Variants in SYNPR observed in about 807,000 individuals in gnomAD.
The protein encoded by SYNPR is synaptoporin.
A neutral mutation model predicts 32.9 loss-of-function variants in SYNPR; 23 were observed. The observed-to-expected ratio is 0.70, with a 90% confidence interval of 0.50 to 0.99. The LOEUF (loss-of-function observed/expected upper bound fraction) is 0.99, where lower values mean the gene tolerates loss of function less well. Ranked by LOEUF, SYNPR falls within the 50% of genes least tolerant of loss-of-function variation. The pLI is 0.00. For synonymous variants in SYNPR, 146 were observed against 135.9 expected (o/e 1.07, Z -0.52); for missense variants, 318 against 349.3 (o/e 0.91, Z 0.71).
At chr3:63,574,451 T>C (rs1702943626) in intron 4 of SYNPR, among the ~76,000 whole-genome samples, 1 of 152,100 alleles carries the variant, frequency 6.6e-6, no homozygotes, top group Non-Finnish European at 1.5e-5. Flanking sequence ...TGTCTAGCCA[T>C]AAGAGAATGA....
chr3:63,560,565 T>A (rs1211607232), intron 4 of SYNPR, among the ~76,000 whole-genome samples: 1 of 152,226 alleles, frequency 6.6e-6, no homozygotes, highest in African/African-American at 2.4e-5. Context: ...ACTGTATTAG[T>A]CCATTCTCAC....
intron 2 of SYNPR, among the ~76,000 whole-genome samples, chr3:63,436,932 A>T (rs1700095399): frequency 6.6e-6 from 1 of 152,098 alleles, no homozygotes; most frequent in Non-Finnish European, 1.5e-5. Context: ...GCTGAAGTGC[A>T]GTGGCACAAT....
chr3:63,281,396 T>G (rs531261575), intron 2 of SYNPR, among the ~76,000 whole-genome samples: 1 of 152,232 alleles, frequency 6.6e-6, no homozygotes, highest in Non-Finnish European at 1.5e-5. Flanking sequence ...TAAAGATATA[T>G]GTATCTTAGT....
At chr3:63,211,726 T>C in the SYNPR span, among the ~76,000 whole-genome samples, 1 of 150,578 alleles carries the variant, frequency 6.6e-6, no homozygotes, top group East Asian at 2.0e-4. Context: ...TTTTTTATTA[T>C]ACTTTAAGTT....
chr3:63,245,680 T>TGAGAGAGAGAGA (rs71992869), intron 1 of SYNPR, among the ~76,000 whole-genome samples: 72 of 123,310 alleles, frequency 5.8e-4, no homozygotes, highest in Non-Finnish European at 6.5e-4. Context: ...CTTTGTCAAG[T>TGAGAGAGAGAGA]GAGAGAGAGA....
intron 4 of SYNPR, among the ~76,000 whole-genome samples, chr3:63,558,860 A>G (rs1702636572): frequency 6.6e-6 from 1 of 151,978 alleles, no homozygotes; most frequent in Admixed American, 6.6e-5. Context: ...TCCAGAAAAA[A>G]AAAATTATAT....
chr3:63,416,780 C>G (rs1011888355), intron 2 of SYNPR, among the ~76,000 whole-genome samples: 1 of 151,992 alleles, frequency 6.6e-6, no homozygotes, highest in African/African-American at 2.4e-5. Context: ...GGAAAATTCC[C>G]CCCTGTAAAA....
chr3:63,258,092 A>G (rs938110096), intron 2 of SYNPR, among the ~76,000 whole-genome samples: 1 of 152,170 alleles, frequency 6.6e-6, no homozygotes, highest in African/African-American at 2.4e-5. Flanking sequence ...AGACCTAGAA[A>G]GAGACTTAGA....
At chr3:63,373,848 A>G (rs1312337034) in intron 2 of SYNPR, among the ~76,000 whole-genome samples, 1 of 152,226 alleles carries the variant, frequency 6.6e-6, no homozygotes, top group Non-Finnish European at 1.5e-5. Context: ...CTGGTCACCT[A>G]CAAAGGGAAC....
intron 3 of SYNPR, among the ~76,000 whole-genome samples, chr3:63,543,934 G>A (rs904476557): frequency 1.3e-5 from 2 of 152,040 alleles, no homozygotes; most frequent in Non-Finnish European, 2.9e-5. Context: ...TGGGTGGCGG[G>A]GCGTTATTCT....
At chr3:63,579,753 A>G (rs990267682) in intron 4 of SYNPR, among the ~76,000 whole-genome samples, 2 of 151,286 alleles carry the variant, frequency 1.3e-5, no homozygotes, top group African/African-American at 2.4e-5. Context: ...GTAATTTCAA[A>G]TGGTTTCTGA....
intron 2 of SYNPR, among the ~76,000 whole-genome samples, chr3:63,463,601 G>A (rs1700626391): frequency 6.6e-6 from 1 of 152,124 alleles, no homozygotes; most frequent in Non-Finnish European, 1.5e-5. Flanking sequence ...CTCTGGGTTG[G>A]TCTGTTAGAG....
At chr3:63,347,992 G>A (rs570774527) in intron 2 of SYNPR, among the ~76,000 whole-genome samples, 2 of 151,914 alleles carry the variant, frequency 1.3e-5, no homozygotes, top group South Asian at 4.2e-4. Flanking sequence ...CTTTGCTATT[G>A]TGAATAGTGC....
At position 63,551,864 on chromosome 3, in the gene SYNPR, T is replaced by TCTAG. The variant is rs200817772; in HGVS notation, c.210-4675_210-4672dup. ...TTTATTCCCCACTCTAGCCCCAGCA[T>TCTAG]CTAGCTATTTATTTATTTATTTATT... On this transcript the variant is annotated intron_variant, in intron 3 of 5. Coordinates refer to ENST00000478300, the MANE Select transcript of SYNPR (RefSeq NM_001130003.2). 9.4e-3 allele frequency among the ~76,000 whole-genome samples: 1,337 copies of TCTAG among 142,798 alleles called. 16 individuals carry two copies. Among genetic ancestry groups the TCTAG allele is most frequent in the African/African-American group, 0.033 (1,242 of 37,510 alleles). 93.7% of individuals were successfully genotyped at this position (142,798 alleles called of 152,430 possible).
chr3:63,206,145 AC>A, the SYNPR span, among the ~76,000 whole-genome samples: 1 of 152,092 alleles, frequency 6.6e-6, no homozygotes, highest in Non-Finnish European at 1.5e-5. Flanking sequence ...TTCTCCTCAG[AC>A]TTACTTAGGC....
intron 2 of SYNPR, among the ~76,000 whole-genome samples, chr3:63,346,437 A>G (rs1014679491): frequency 8.5e-5 from 13 of 152,162 alleles, no homozygotes; most frequent in African/African-American, 2.9e-4. Context: ...AGTTGTACTA[A>G]TGAAAAGTAT....
intron 3 of SYNPR, among the ~76,000 whole-genome samples, chr3:63,552,760 T>A (rs1229828511): frequency 3.3e-5 from 5 of 152,220 alleles, no homozygotes; most frequent in Admixed American, 3.3e-4. Context: ...CAAGTCAATG[T>A]AGAAGTTTAA....
At chr3:63,517,886 T>C (rs1342022360) in intron 3 of SYNPR, among the ~76,000 whole-genome samples, 1 of 152,072 alleles carries the variant, frequency 6.6e-6, no homozygotes, top group Non-Finnish European at 1.5e-5. Context: ...GAATTCATAA[T>C]GTAGAAAGGA....
intron 2 of SYNPR, among the ~76,000 whole-genome samples, chr3:63,265,571 G>A (rs751744590): frequency 1.4e-4 from 22 of 152,000 alleles, no homozygotes; most frequent in Non-Finnish European, 2.8e-4. Context: ...CTTTAAGTTT[G>A]AAATGTATAC....
Sources: allele counts gnomAD v4.1 joint callset (sites outside exome capture counted in the v4.1 genomes callset), GRCh38; gene constraint gnomAD v4.1.1; transcripts MANE v1.5; gene names NCBI Gene and HGNC (gene_info 2026-07-23, HGNC 2026-07-21).